The following GPHN variants were observed in gnomAD, a reference collection of about 807,000 sequenced individuals.
GPHN encodes gephyrin.
GPHN carries 17 observed loss-of-function variants against 95.5 expected under a neutral mutation model. That is an observed-to-expected ratio of 0.18 (90% CI 0.12 to 0.27). The LOEUF (loss-of-function observed/expected upper bound fraction) is 0.27. GPHN is among the 10% of genes least tolerant of loss of function. The pLI is 1.00. For missense variants in GPHN, 660 were observed against 978.1 expected, an observed-to-expected ratio of 0.67 and a Z score of 4.34; for synonymous variants, 320 against 322.5, an observed-to-expected ratio of 0.99 and a Z score of 0.08.
chr14:66,725,909 C>G (rs1447485411), intron 2 of GPHN, among the ~76,000 whole-genome samples: 1 of 152,124 alleles, frequency 6.6e-6, no homozygotes, highest in Admixed American at 6.5e-5. Flanking sequence ...TACTGACTAT[C>G]CAAATTGTTA....
intron 17 of GPHN, among the ~76,000 whole-genome samples, chr14:67,142,483 G>A (rs977060498): frequency 6.6e-6 from 1 of 152,076 alleles, no homozygotes; most frequent in Non-Finnish European, 1.5e-5. Context: ...CCTTCAACCT[G>A]TACCATCAAA....
chr14:67,605,890 C>T, the GPHN span, among the ~76,000 whole-genome samples: 1 of 152,002 alleles, frequency 6.6e-6, no homozygotes, highest in East Asian at 1.9e-4. Context: ...ACCATGTTGC[C>T]CAGGCCGGTC....
At position 66,731,754 on chromosome 14, in the gene GPHN, T is replaced by C. The variant is rs144608316; in HGVS notation, c.144-44710T>C. Among the ~76,000 whole-genome samples, 33 of 152,286 alleles carry C rather than the reference T, an allele frequency of 2.2e-4. No individual in the cohort carries two copies. In the East Asian group the frequency reaches 5.8e-3, roughly 27 times the overall value. On this transcript the variant is annotated intron_variant, in intron 2 of 22. Transcript: ENST00000478722. ...AGTGGGGAAAAATGTCACCAGGGCA[T>C]GTCAGAGATCTTGGTGGCCACCCCT...
intron 9 of GPHN, among the ~76,000 whole-genome samples, chr14:66,989,497 AT>A (rs762848430): frequency 5.3e-5 from 8 of 151,950 alleles, no homozygotes; most frequent in Non-Finnish European, 8.8e-5. Context: ...AGGTTATCTC[AT>A]GCCATTATTT....
chr14:67,575,007 C>G, the GPHN span, among the ~76,000 whole-genome samples: 1 of 152,188 alleles, frequency 6.6e-6, no homozygotes, highest in Non-Finnish European at 1.5e-5. Flanking sequence ...CCGTGTGCAG[C>G]TTCTGTTCCT....
intron 5 of GPHN, among the ~76,000 whole-genome samples, chr14:66,905,914 T>A (rs1285621771): frequency 6.6e-6 from 1 of 152,132 alleles, no homozygotes; most frequent in African/African-American, 2.4e-5. Flanking sequence ...ATTTAATTCC[T>A]TTTATGGCTG....
At chr14:66,575,597 G>GCA (rs111692845) in intron 1 of GPHN, among the ~76,000 whole-genome samples, 79 of 152,332 alleles carry the variant, frequency 5.2e-4, no homozygotes, top group African/African-American at 1.6e-3. Flanking sequence ...GCCCATGTCA[G>GCA]CAGTTTGTCA....
At chr14:66,681,492 A>G (rs1385637026) in intron 2 of GPHN, among the ~76,000 whole-genome samples, 2 of 152,150 alleles carry the variant, frequency 1.3e-5, no homozygotes, top group Non-Finnish European at 2.9e-5. Flanking sequence ...GGAAAGAGAG[A>G]TTGAATTTGT....
At chr14:66,976,403 C>T (rs1594697931) in intron 9 of GPHN, among the ~76,000 whole-genome samples, 1 of 152,024 alleles carries the variant, frequency 6.6e-6, no homozygotes, top group Admixed American at 6.5e-5. Context: ...ATAAGTGGTC[C>T]GTCCTATCAT....
At chr14:67,323,615 A>AATATATATATATTAGATT in the GPHN span, 119 of 260,098 alleles carry the variant, frequency 4.6e-4, no homozygotes, top group Non-Finnish European at 5.9e-4. Flanking sequence ...CCCTTAATCT[A>AATATATATATATTAGATT]ATATATATAT....
the GPHN span, among the ~76,000 whole-genome samples, chr14:67,529,244 G>C: frequency 0.03 from 4,507 of 152,122 alleles, 216 homozygotes; most frequent in African/African-American, 0.1. Flanking sequence ...GCTCTCTCTG[G>C]CTCCCATACC....
chr14:66,905,951 C>T (rs371194366), intron 5 of GPHN, among the ~76,000 whole-genome samples: 8 of 148,804 alleles, frequency 5.4e-5, no homozygotes, highest in African/African-American at 1.7e-4. Context: ...GTGTATGTAT[C>T]ATGTTTTCTT....
chr14:67,461,484 A>C, the GPHN span, among the ~76,000 whole-genome samples: 1 of 152,158 alleles, frequency 6.6e-6, no homozygotes. Flanking sequence ...CAGAGTTATG[A>C]ACCTGGAGCA....
the GPHN span, chr14:67,381,516 G>A: frequency 9.1e-7 from 1 of 1,101,966 alleles, no homozygotes; most frequent in Non-Finnish European, 1.4e-6. Flanking sequence ...TAATATATCT[G>A]CCACGTGTTT....
intron 1 of GPHN, among the ~76,000 whole-genome samples, chr14:66,571,684 A>C (rs2060696842): frequency 6.6e-6 from 1 of 151,992 alleles, no homozygotes; most frequent in Admixed American, 6.6e-5. Context: ...GGTGGCAGGC[A>C]CCTCTAATTT....
At chr14:66,805,055 C>T (rs1398440258) in intron 3 of GPHN, among the ~76,000 whole-genome samples, 1 of 152,086 alleles carries the variant, frequency 6.6e-6, no homozygotes, top group African/African-American at 2.4e-5. Context: ...AAAGACATAC[C>T]TCAGACTGGG....
At chr14:67,562,635 C>T in the GPHN span, 1 of 1,613,026 alleles carries the variant, frequency 6.2e-7, no homozygotes, top group Non-Finnish European at 8.5e-7. Context: ...CACAGCCAGC[C>T]CCAGGTGGGC....
rs550025805 is a variant in GPHN, at chr14:67,103,797, A to T, written c.1293+2886A>T. Among the ~76,000 whole-genome samples, 6 of 152,000 alleles carry T rather than the reference A, an allele frequency of 3.9e-5. No individual in the cohort carries two copies. In the East Asian group the frequency reaches 1.2e-3, roughly 29 times the overall value. ...GAGCTTTTAGGGTTTTCTATATATA[A>T]GATCATGTTATCTGCAAACAGGGAC... On this transcript the variant is annotated intron_variant, in intron 13 of 22. Coordinates refer to ENST00000478722, the MANE Select transcript of GPHN (RefSeq NM_020806.5).
intron 1 of GPHN, among the ~76,000 whole-genome samples, chr14:66,648,374 TA>T: frequency 6.6e-6 from 1 of 152,312 alleles, no homozygotes; most frequent in Non-Finnish European, 1.5e-5. Flanking sequence ...TTTATTTATA[TA>T]AGGTCTTTGT....
Sources: gnomAD v4.1 joint callset for allele counts (sites outside exome capture counted in the v4.1 genomes callset) on GRCh38, gnomAD v4.1.1 for gene constraint, MANE v1.5 for transcripts, NCBI Gene and HGNC (gene_info 2026-07-23, HGNC 2026-07-21) for gene names.